The following XRN1 variants were observed in gnomAD, a reference collection of about 807,000 sequenced individuals.
XRN1 encodes strand-exchange protein 1 homolog.
A neutral mutation model predicts 222.3 loss-of-function variants in XRN1; 67 were observed. That is an observed-to-expected ratio of 0.30 (90% CI 0.25 to 0.37). The LOEUF (loss-of-function observed/expected upper bound fraction) is 0.37, where lower values mean the gene tolerates loss of function less well. XRN1 is among the 10% of genes least tolerant of loss of function. The pLI is 1.00. For synonymous variants in XRN1, 643 were observed against 652.4 expected, an observed-to-expected ratio of 0.99 and a Z score of 0.22; for missense variants, 1,707 against 2,000.2, an observed-to-expected ratio of 0.85 and a Z score of 2.80.
In XRN1 at chr3:142,317,449, C is replaced by T. The variant is rs186541960; in HGVS notation, c.4621+1143G>A. Among the ~76,000 whole-genome samples, 647 of 152,056 alleles carry T rather than the reference C, an allele frequency of 4.3e-3. 12 individuals carry two copies. The highest frequency in any genetic ancestry group is 0.015 in the African/African-American group (627 of 41,516). ...TACCTGTACTCTATTCTTTTTTCAT[C>T]TTCCAATTTCCTATCTGGGGAGAAG... is the stretch of plus-strand genomic sequence containing the variant. On this transcript the variant is annotated intron_variant, in intron 39 of 40. Transcript: ENST00000392981.
chr3:142,374,070 G>T (rs900462955), intron 25 of XRN1, among the ~76,000 whole-genome samples: 1 of 152,166 alleles, frequency 6.6e-6, no homozygotes, highest in Non-Finnish European at 1.5e-5. Flanking sequence ...TCGATCAAGT[G>T]CAGGAGAAGA....
At chr3:142,352,282 C>A (rs935188283) in intron 32 of XRN1, among the ~76,000 whole-genome samples, 8 of 152,102 alleles carry the variant, frequency 5.3e-5, no homozygotes, top group Admixed American at 3.3e-4. Context: ...CCAGTTTATA[C>A]CCTGAAGCAG....
chr3:142,371,265 G>C lies in XRN1; in HGVS notation c.3042C>G (p.Asp1014Glu). ...NSQEDVFYED[D>E]IWPGENENGA... ...CATTCTCATTTTCTCCAGGCCAAAT[G>C]TCATCTTCATAGAACACATCCTCTT... is the stretch of plus-strand genomic sequence containing the variant. Residue 1014 changes from aspartate (D) to glutamate (E), a missense_variant, in exon 26 of 41, where the codon GAC (aspartate) becomes GAG (glutamate). By Grantham distance (45) the Asp-to-Glu change is conservative. Transcript: ENST00000392981. 2.5e-6 allele frequency: 4 copies of C among 1,613,304 alleles called. No individual in the cohort carries two copies. The highest frequency in any genetic ancestry group is 3.4e-6 in the Non-Finnish European group (4 of 1,179,842).
In XRN1 at chr3:142,412,445, A is replaced by G. The variant is rs1032925018; in HGVS notation, c.1713+99T>C. 5.9e-6 allele frequency: 8 copies of G among 1,362,684 alleles called. No homozygotes were observed. In the African/African-American group the frequency reaches 1.0e-4, roughly 17 times the overall value. The allele number at this position is 1,362,684 out of a possible 1,614,324, so 84.4% of individuals were successfully genotyped here. A position where few individuals can be genotyped will look rare whatever the true frequency, so the allele number is the denominator to read the frequency against. On this transcript the variant is annotated intron_variant, in intron 15 of 40. Coordinates refer to ENST00000392981, the MANE Select transcript of XRN1 (RefSeq NM_001282857.2). ...AGAGGGTAGCTAAATCTCATTAACA[A>G]AACATAAATGGTGATTAAAACCCAT...
At chr3:142,432,613 T>C in intron 2 of XRN1, 48 bp downstream of exon 2, 1 of 1,435,722 alleles carries the variant, frequency 7.0e-7, no homozygotes, top group East Asian at 2.5e-5. Context: ...AAATAACATA[T>C]TTTTACTAAG....
chr3:142,327,902 C>T (rs1325311966), intron 37 of XRN1, among the ~76,000 whole-genome samples: 1 of 152,076 alleles, frequency 6.6e-6, no homozygotes, highest in East Asian at 1.9e-4. Context: ...TTATTTAGCT[C>T]CCACTTATAA....
intron 24 of XRN1, 122 bp from the exon 25 acceptor site, chr3:142,376,066 T>C: frequency 2.9e-6 from 4 of 1,372,138 alleles, no homozygotes; most frequent in Non-Finnish European, 2.8e-6. Context: ...AGCTCAGTTT[T>C]GATTATTCTT....
chr3:142,416,234 T>C (rs1057266200), intron 13 of XRN1, among the ~76,000 whole-genome samples: 3 of 152,170 alleles, frequency 2.0e-5, no homozygotes, highest in African/African-American at 7.2e-5. Flanking sequence ...TGGAGTGCAG[T>C]GGTGCGATCT....
intron 13 of XRN1, among the ~76,000 whole-genome samples, chr3:142,416,489 A>G (rs1172292395): frequency 6.6e-6 from 1 of 152,148 alleles, no homozygotes; most frequent in African/African-American, 2.4e-5. Flanking sequence ...CGAACACTTC[A>G]ATAATTATTC....
At chr3:142,443,833 C>G (rs569080421) in intron 1 of XRN1, among the ~76,000 whole-genome samples, 1 of 152,192 alleles carries the variant, frequency 6.6e-6, no homozygotes, top group African/African-American at 2.4e-5. Flanking sequence ...GCAACCTAAG[C>G]GTCCATCAAC....
intron 39 of XRN1, chr3:142,313,284 T>A: frequency 8.3e-7 from 1 of 1,210,904 alleles, no homozygotes; most frequent in East Asian, 2.3e-5. Context: ...CTTTTTTCAC[T>A]TACAGTTTGT....
intron 33 of XRN1, among the ~76,000 whole-genome samples, chr3:142,340,829 A>T (rs1322658756): frequency 6.6e-6 from 1 of 152,240 alleles, no homozygotes; most frequent in East Asian, 1.9e-4. Flanking sequence ...CTGACAAAAA[A>T]TATCCTTCAA....
chr3:142,350,844 T>C (rs1290448138), intron 32 of XRN1, among the ~76,000 whole-genome samples: 1 of 152,186 alleles, frequency 6.6e-6, no homozygotes, highest in African/African-American at 2.4e-5. Flanking sequence ...TGACATTAGG[T>C]AACGTAAGTT....
intron 33 of XRN1, among the ~76,000 whole-genome samples, chr3:142,339,288 G>A (rs2065923931): frequency 6.6e-6 from 1 of 152,134 alleles, no homozygotes. Context: ...GAGTCTGCCT[G>A]GGAATCTGGA....
At chr3:142,402,131 C>G (rs1395822536) in intron 18 of XRN1, among the ~76,000 whole-genome samples, 1 of 152,202 alleles carries the variant, frequency 6.6e-6, no homozygotes, top group Admixed American at 6.5e-5. Context: ...ATATCCTTCT[C>G]TCTCTCCAAG....
chr3:142,373,463 A>C (rs2067047362), intron 25 of XRN1, among the ~76,000 whole-genome samples: 1 of 152,140 alleles, frequency 6.6e-6, no homozygotes, highest in Non-Finnish European at 1.5e-5. Context: ...GTTTCTCAGA[A>C]TGGAAGGGCA....
intron 20 of XRN1, among the ~76,000 whole-genome samples, chr3:142,392,718 C>T (rs554472372): frequency 2.6e-4 from 39 of 151,822 alleles, no homozygotes; most frequent in African/African-American, 9.0e-4. Flanking sequence ...TTAATCCAGT[C>T]TATCATTGTT....
intron 23 of XRN1, among the ~76,000 whole-genome samples, chr3:142,379,213 C>G (rs760236277): frequency 2.6e-5 from 4 of 151,982 alleles, no homozygotes; most frequent in African/African-American, 9.7e-5. Context: ...AGAGGTTGCA[C>G]TGAGCCAAGA....
chr3:142,372,165 G>A (rs765513575), intron 25 of XRN1, among the ~76,000 whole-genome samples: 26 of 152,142 alleles, frequency 1.7e-4, no homozygotes, highest in Admixed American at 2.0e-4. Flanking sequence ...GACCTGTAGC[G>A]TATATTTTAG....
Sources: allele counts gnomAD v4.1 joint callset (sites outside exome capture counted in the v4.1 genomes callset), GRCh38; gene constraint gnomAD v4.1.1; transcripts MANE v1.5; gene names NCBI Gene and HGNC (gene_info 2026-07-23, HGNC 2026-07-21).